The following ANKRD28 variants were observed in gnomAD, a reference collection of about 807,000 sequenced individuals.
The protein encoded by ANKRD28 is serine/threonine-protein phosphatase 6 regulatory ankyrin repeat subunit A.
A neutral mutation model predicts 126.5 loss-of-function variants in ANKRD28; 44 were observed. The observed-to-expected ratio is 0.35, with a 90% CI of 0.27 to 0.45. The LOEUF is 0.45. Among genes scored for constraint, ANKRD28 ranks in the 20% least tolerant of loss-of-function variants. The probability of loss-of-function intolerance (pLI) is 1.00; values close to 1 mark genes in which losing one functional copy is unlikely to be tolerated. For missense variants in ANKRD28, 1,110 were observed against 1,316.6 expected (o/e 0.84, Z 2.43); for synonymous variants, 442 against 468.5 (o/e 0.94, Z 0.73).
At chr3:15,697,330 T>G (rs2069759655) in intron 14 of ANKRD28, 1 of 152,590 alleles carries the variant, frequency 6.6e-6, no homozygotes, top group Admixed American at 6.6e-5. Flanking sequence ...ATCCATCATA[T>G]TTTACTCCAT....
chr3:15,760,316 G>C (rs966214502), intron 3 of ANKRD28, among the ~76,000 whole-genome samples: 2 of 152,132 alleles, frequency 1.3e-5, no homozygotes, highest in Non-Finnish European at 2.9e-5. Context: ...TAACACACCT[G>C]CGCATGTACT....
rs979730404 is a variant in ANKRD28, at chr3:15,804,579, A to C, written c.28-9273T>G. On this transcript the variant is annotated intron_variant, in intron 1 of 27. Coordinates refer to the ANKRD28 transcript ENST00000399451. ...TAAAAGTGAGTATAAGTGACTGTTGAGCAGTTAAAAGCAATGGCTCACGGT... is the reference window on the plus strand; with the variant it reads ...TAAAAGTGAGTATAAGTGACTGTTGCGCAGTTAAAAGCAATGGCTCACGGT... Among the ~76,000 whole-genome samples, 3 of 145,404 alleles carry C rather than the reference A, an allele frequency of 2.1e-5. 1 individual carries two copies. The highest frequency in any genetic ancestry group is 1.5e-5 in the Non-Finnish European group (1 of 67,168).
intron 4 of ANKRD28, among the ~76,000 whole-genome samples, chr3:15,749,044 A>T (rs1389709897): frequency 6.7e-6 from 1 of 148,214 alleles, no homozygotes; most frequent in Non-Finnish European, 1.5e-5. Context: ...AGAAGTTGTG[A>T]CTGTTTTTAC....
intron 1 of ANKRD28, chr3:15,859,282 C>CGCCGAGCGGGCG: frequency 6.7e-7 from 1 of 1,485,368 alleles, no homozygotes; most frequent in Non-Finnish European, 8.9e-7. Context: ...GCAACCACCC[C>CGCCGAGCGGGCG]GCCGAGCGGG....
chr3:15,671,032 G>C (rs971031132), intron 27 of ANKRD28, among the ~76,000 whole-genome samples: 1 of 152,210 alleles, frequency 6.6e-6, no homozygotes, highest in Non-Finnish European at 1.5e-5. Context: ...ACAGCTTCAT[G>C]AATCAGCCAC....
At chr3:15,756,451 A>C in intron 3 of ANKRD28, 1 of 970,928 alleles carries the variant, frequency 1.0e-6, no homozygotes, top group Non-Finnish European at 1.2e-6. Context: ...TAAAACATAA[A>C]TTCAAAAACA....
chr3:15,748,419 G>C (rs1240261217), intron 4 of ANKRD28, among the ~76,000 whole-genome samples: 3 of 152,086 alleles, frequency 2.0e-5, no homozygotes, highest in Non-Finnish European at 2.9e-5. Context: ...TTTTTGTCTG[G>C]AAAAGACTGT....
chr3:15,802,481 C>A (rs1208934201), upstream of ANKRD28, among the ~76,000 whole-genome samples: 3 of 152,146 alleles, frequency 2.0e-5, no homozygotes, highest in African/African-American at 7.2e-5. Flanking sequence ...CTTACTCTTC[C>A]TTTAATTATC....
rs1553650054 is a variant in ANKRD28 at position 15,850,204 on chromosome 3, A to ATATATAT, written c.27+9172_27+9173insATATATA. ...TCTACATGCAATAAAAAAAAAAAAA[A>ATATATAT]ATATATATATATATATATATAGAGA... On this transcript the variant is annotated intron_variant, in intron 1 of 27. Coordinates refer to the ANKRD28 transcript ENST00000399451. Among the ~76,000 whole-genome samples the ATATATAT allele has an allele frequency of 1.5e-3, 84 of 54,802 alleles. 2 individuals are homozygous for ATATATAT. The highest frequency in any genetic ancestry group is 2.9e-3 in the East Asian group (8 of 2,748). 36.0% of individuals were successfully genotyped at this position (54,802 alleles called of 152,430 possible).
chr3:15,675,974 A>G lies in ANKRD28; in HGVS notation c.2889T>C (p.Ala963=), dbSNP rs1382132915. ...CCACCATTGTTAGCCCATTTCGGGC[A>G]GCAACATGCAGAGGTCTAGGGGAAA... is the stretch of plus-strand genomic sequence containing the variant. ...NAALQTPLHV[A]ARNGLTMVVQ... Residue 963 remains alanine (A), a synonymous_variant, in exon 27 of 28, where the codon GCT becomes GCC. Transcript: ENST00000683139. 1.2e-5 allele frequency: 20 copies of G among 1,612,944 alleles called. No homozygotes were observed. The highest frequency in any genetic ancestry group is 1.7e-5 in the Non-Finnish European group (20 of 1,179,226).
chr3:15,788,450 G>A (rs2059880784), intron 2 of ANKRD28, among the ~76,000 whole-genome samples: 1 of 152,124 alleles, frequency 6.6e-6, no homozygotes, highest in Non-Finnish European at 1.5e-5. Flanking sequence ...TGATTCTGCA[G>A]ACGGTTAATT....
intron 8 of ANKRD28, among the ~76,000 whole-genome samples, chr3:15,717,733 C>T (rs2455837): frequency 0.67 from 101,618 of 151,882 alleles, 34,500 homozygotes; most frequent in East Asian, 0.91. Flanking sequence ...AAAACGTGTG[C>T]ATATAAATGA....
At chr3:15,703,820 TA>T (rs2070969343) in intron 14 of ANKRD28, among the ~76,000 whole-genome samples, 3 of 152,126 alleles carry the variant, frequency 2.0e-5, no homozygotes. Context: ...TAACAACCCA[TA>T]AAATATTTTA....
intron 1 of ANKRD28, 127 bp from the exon 2 acceptor site, chr3:15,795,433 A>C: frequency 1.8e-6 from 1 of 564,336 alleles, no homozygotes; most frequent in Non-Finnish European, 3.0e-6. Flanking sequence ...CATTAGCCAG[A>C]AGTTTCATAA....
intron 8 of ANKRD28, among the ~76,000 whole-genome samples, chr3:15,717,513 T>G: frequency 6.7e-6 from 1 of 149,014 alleles, no homozygotes; most frequent in East Asian, 1.9e-4. Flanking sequence ...AGCAGAAAAC[T>G]AGGAGTATTA....
At chr3:15,771,056 G>T (rs1466850123) in intron 2 of ANKRD28, among the ~76,000 whole-genome samples, 1 of 152,168 alleles carries the variant, frequency 6.6e-6, no homozygotes, top group Non-Finnish European at 1.5e-5. Flanking sequence ...ATATCTGAGG[G>T]TGGGTTATTT....
At chr3:15,840,804 C>T (rs1249027634) in intron 1 of ANKRD28, among the ~76,000 whole-genome samples, 1 of 152,192 alleles carries the variant, frequency 6.6e-6, no homozygotes, top group Non-Finnish European at 1.5e-5. Context: ...GTAGTCTCTT[C>T]AATAAATGGT....
intron 3 of ANKRD28, among the ~76,000 whole-genome samples, chr3:15,759,799 A>T (rs1301630628): frequency 6.6e-6 from 1 of 152,234 alleles, no homozygotes; most frequent in African/African-American, 2.4e-5. Context: ...AAGGTTACCG[A>T]GTCCTCTAAA....
rs2061708503 is a variant in ANKRD28 at position 15,854,013 on chromosome 3, C to T, written c.27+5364G>A. Reference sequence around the variant, plus strand: ...CGTATGTTCTGATTTACAGCAGTAGCTACCTAACTGGTCCTGGGTGTCCCT... The same window carrying T: ...CGTATGTTCTGATTTACAGCAGTAGTTACCTAACTGGTCCTGGGTGTCCCT... On this transcript the variant is annotated intron_variant, in intron 1 of 27. Coordinates refer to the ANKRD28 transcript ENST00000399451. The surrounding 1 kb of genome is among the most constrained non-coding windows in gnomAD (Gnocchi z 4.1). Among the ~76,000 whole-genome samples, 1 of 152,180 alleles carries T rather than the reference C, an allele frequency of 6.6e-6. No homozygotes were observed. Among genetic ancestry groups the T allele is most frequent in the Non-Finnish European group, 1.5e-5 (1 of 68,022 alleles).
Sources: gnomAD v4.1 joint callset for allele counts (sites outside exome capture counted in the v4.1 genomes callset) on GRCh38, gnomAD v4.1.1 for gene constraint, Gnocchi (gnomAD v3.1) non-coding constraint, MANE v1.5 for transcripts, NCBI Gene and HGNC (gene_info 2026-07-23, HGNC 2026-07-21) for gene names.